Variants in ELOVL4 observed in about 807,000 individuals in gnomAD.
The protein encoded by ELOVL4 is very long chain fatty acid elongase 4.
A neutral mutation model predicts 42.1 loss-of-function variants in ELOVL4; 18 were observed. The observed-to-expected ratio is 0.43, with a 90% CI of 0.30 to 0.63. ELOVL4 has a LOEUF of 0.63. Ranked by LOEUF, ELOVL4 falls within the 30% of genes least tolerant of loss-of-function variation. The pLI is 0.15. For missense variants in ELOVL4, 299 were observed against 376.2 expected (o/e 0.79, Z 1.70); for synonymous variants, 117 against 127.0 (o/e 0.92, Z 0.53).
At chr6:79,916,997 A>C in intron 5 of ELOVL4, 114 bp from the exon 6 acceptor site, 1 of 1,180,364 alleles carries the variant, frequency 8.5e-7, no homozygotes, top group Non-Finnish European at 1.2e-6. Flanking sequence ...ACACTGTGCA[A>C]AATTTATTGT....
chr6:79,935,054 A>G (rs1774520222), intron 1 of ELOVL4, among the ~76,000 whole-genome samples: 1 of 152,198 alleles, frequency 6.6e-6, no homozygotes. Context: ...AATTATTTAG[A>G]GAGGCTATTT....
At chr6:79,919,849 A>G (rs184531150) in intron 4 of ELOVL4, among the ~76,000 whole-genome samples, 4 of 152,218 alleles carry the variant, frequency 2.6e-5, no homozygotes, top group Admixed American at 2.0e-4. Context: ...GGCCCTTAGA[A>G]CTGTTGCCTA....
chr6:79,928,928 G>A (rs929419132), intron 1 of ELOVL4, among the ~76,000 whole-genome samples: 1 of 151,646 alleles, frequency 6.6e-6, no homozygotes, highest in African/African-American at 2.4e-5. Context: ...ATATAGTGTG[G>A]TGCACTGTTG....
At chr6:79,924,914 C>A (rs1287918350) in intron 3 of ELOVL4, 38 bp downstream of exon 3, 1 of 1,329,746 alleles carries the variant, frequency 7.5e-7, no homozygotes. Flanking sequence ...AAAAATCAAA[C>A]CACTTTTACT....
At chr6:79,921,416 G>A (rs867469326) in intron 4 of ELOVL4, among the ~76,000 whole-genome samples, 31 of 129,904 alleles carry the variant, frequency 2.4e-4, no homozygotes, top group African/African-American at 8.6e-4. Flanking sequence ...AGCCGAGATC[G>A]CGCCACTGCA....
chr6:79,944,233 A>G (rs1774698551), intron 1 of ELOVL4, among the ~76,000 whole-genome samples: 1 of 152,220 alleles, frequency 6.6e-6, no homozygotes, highest in South Asian at 2.1e-4. Context: ...AAATGTATAT[A>G]CAACTTTTAT....
intron 1 of ELOVL4, among the ~76,000 whole-genome samples, chr6:79,944,459 T>C (rs901327491): frequency 6.6e-6 from 1 of 152,176 alleles, no homozygotes; most frequent in African/African-American, 2.4e-5. Flanking sequence ...AAAAATTATT[T>C]TTGTTGTTTT....
Position 79,916,366 on chromosome 6 carries a change from T to C in ELOVL4, c.*242A>G. 2.0e-6 allele frequency: 1 copy of C among 498,804 alleles called. No homozygotes were observed. Among genetic ancestry groups the C allele is most frequent in the Non-Finnish European group, 3.6e-6 (1 of 279,502 alleles). 30.9% of individuals were successfully genotyped at this position (498,804 alleles called of 1,614,324 possible). ...GAGAATCCCCAAAGTCACTTAATGATTGCTTTGGTCTGGAGAATATCAAGG... is the reference window on the plus strand; with the variant it reads ...GAGAATCCCCAAAGTCACTTAATGACTGCTTTGGTCTGGAGAATATCAAGG... On this transcript the variant is annotated 3_prime_UTR_variant, in exon 6 of 6. Coordinates refer to ENST00000369816, the MANE Select transcript of ELOVL4 (RefSeq NM_022726.4).
At chr6:79,931,667 A>G (rs1337383148) in intron 1 of ELOVL4, among the ~76,000 whole-genome samples, 1 of 152,192 alleles carries the variant, frequency 6.6e-6, no homozygotes, top group Admixed American at 6.5e-5. Flanking sequence ...CTTCAAAGCC[A>G]TGACACAGAA....
chr6:79,927,041 T>C (rs995575014), intron 1 of ELOVL4, among the ~76,000 whole-genome samples: 1 of 152,214 alleles, frequency 6.6e-6, no homozygotes, highest in Non-Finnish European at 1.5e-5. Context: ...TCTAGAGCTG[T>C]AAATCGCATA....
intron 1 of ELOVL4, among the ~76,000 whole-genome samples, chr6:79,935,826 A>G (rs1007595482): frequency 2.6e-5 from 4 of 152,188 alleles, no homozygotes; most frequent in Admixed American, 6.5e-5. Context: ...AGTACACAGC[A>G]GTAGATTGCA....
In ELOVL4 at chr6:79,926,337, T is replaced by C. The variant is rs1774342833; in HGVS notation, c.145A>G (p.Thr49Ala). Residue 49 changes from threonine (T) to alanine (A), a missense_variant, in exon 2 of 6, where the codon ACA becomes GCA. By Grantham distance (58) the Thr-to-Ala change is moderately conservative (BLOSUM62 0). Transcript: ENST00000369816. ...NWPLMQSPWP[T>A]LSISTLYLLF... ...AGATAAAGAGTGCTTATACTTAGTG[T>C]AGGCCAAGGAGACTGCATCAGAGGC... The C allele has an allele frequency of 1.2e-6, 2 of 1,613,940 alleles. No individual in the cohort carries two copies. Among genetic ancestry groups the C allele is most frequent in the Admixed American group, 1.7e-5 (1 of 59,982 alleles).
Position 79,919,500 on chromosome 6 carries a change from A to C in ELOVL4, c.589T>G (p.Ser197Ala). The C allele has an allele frequency of 6.2e-7, 1 of 1,613,636 alleles. No homozygotes were observed. Among genetic ancestry groups the C allele is most frequent in the African/African-American group, 1.3e-5 (1 of 75,026 alleles). ...CCAAATGCAGTTAACCCATAGTATG[A>C]GTACATAATCACATGGATAAAGGAA... is the stretch of plus-strand genomic sequence containing the variant. ...LNSFIHVIMY[S>A]YYGLTAFGPW... The change falls in exon 5 of 6, where the codon TCA becomes GCA. Residue 197 changes from serine (S) to alanine (A), a missense_variant. Transcript: ENST00000369816.
At chr6:79,942,070 G>A (rs116105450) in intron 1 of ELOVL4, among the ~76,000 whole-genome samples, 2 of 152,258 alleles carry the variant, frequency 1.3e-5, no homozygotes, top group African/African-American at 4.8e-5. Flanking sequence ...AAAGGTATCT[G>A]GAGAGGTAAA....
In ELOVL4 at chr6:79,921,283, A is replaced by C. The variant is rs543718063; in HGVS notation, c.541+342T>G. 5.5e-4 allele frequency among the ~76,000 whole-genome samples: 83 copies of C among 151,920 alleles called. 1 individual carries two copies. The South Asian group carries it at 8.4e-3, about 15-fold the overall frequency. On this transcript the variant is annotated intron_variant, in intron 4 of 5. Coordinates refer to ENST00000369816, the MANE Select transcript of ELOVL4 (RefSeq NM_022726.4). ...GAGACCATCCTGGCCAACATGGTGAAACCCTGTCTCTACTAAAAATACAAA... is the reference window on the plus strand; with the variant it reads ...GAGACCATCCTGGCCAACATGGTGACACCCTGTCTCTACTAAAAATACAAA...
intron 2 of ELOVL4, among the ~76,000 whole-genome samples, chr6:79,925,934 A>G (rs1774335274): frequency 6.6e-6 from 1 of 152,204 alleles, no homozygotes; most frequent in Non-Finnish European, 1.5e-5. Flanking sequence ...AAGAAAAGTT[A>G]AATAACTTTC....
At chr6:79,917,646 C>T (rs1363884583) in intron 5 of ELOVL4, among the ~76,000 whole-genome samples, 3 of 152,038 alleles carry the variant, frequency 2.0e-5, no homozygotes, top group African/African-American at 7.2e-5. Flanking sequence ...ATGGTAAAAC[C>T]CCATTTCTAC....
At position 79,914,897 on chromosome 6, in the gene ELOVL4, T is replaced by C. The variant is rs1774131844; in HGVS notation, c.*1711A>G. On this transcript the variant is annotated 3_prime_UTR_variant, in exon 6 of 6. Transcript: ENST00000369816. ...GCTCTTGGGAACCAGTACAGAATGTTCACAAAGATTTACAAATCTCAGTCA... is the reference window on the plus strand; with the variant it reads ...GCTCTTGGGAACCAGTACAGAATGTCCACAAAGATTTACAAATCTCAGTCA... The C allele has an allele frequency of 6.6e-6, 1 of 152,594 alleles. No homozygotes were observed. Among genetic ancestry groups the C allele is most frequent in the South Asian group, 2.1e-4 (1 of 4,836 alleles). The allele number at this position is 152,594 out of a possible 1,614,324, so 9.5% of individuals were successfully genotyped here. A position where few individuals can be genotyped will look rare whatever the true frequency, so the allele number is the denominator to read the frequency against.
chr6:79,924,917 C>T, intron 3 of ELOVL4, 35 bp downstream of exon 3: 2 of 1,372,956 alleles, frequency 1.5e-6, no homozygotes, highest in East Asian at 2.3e-5. Flanking sequence ...AATCAAACCA[C>T]TTTTACTGAT....
Sources: gnomAD v4.1 joint callset for allele counts (sites outside exome capture counted in the v4.1 genomes callset) on GRCh38, gnomAD v4.1.1 for gene constraint, MANE v1.5 for transcripts, NCBI Gene and HGNC (gene_info 2026-07-23, HGNC 2026-07-21) for gene names.